TRPM2: variants seen among roughly 807,000 people sequenced by gnomAD.
TRPM2 encodes transient receptor potential cation channel subfamily M member 2.
TRPM2 carries 161 observed loss-of-function variants against 174.0 expected under a neutral mutation model. The ratio of observed to expected loss-of-function variants is 0.93; its 90% CI spans 0.81 to 1.05. The LOEUF (loss-of-function observed/expected upper bound fraction) is 1.05. Among genes scored for constraint, TRPM2 ranks in the 50% least tolerant of loss-of-function variants. The probability of loss-of-function intolerance (pLI) is 0.00; values close to 1 mark genes in which losing one functional copy is unlikely to be tolerated. For synonymous variants in TRPM2, 954 were observed against 861.3 expected (o/e 1.11, Z -1.88); for missense variants, 2,057 against 2,038.0 (o/e 1.01, Z -0.18).
chr21:44,410,183 G>C (rs1325540570), intron 19 of TRPM2, among the ~76,000 whole-genome samples: 295 of 63,684 alleles, frequency 4.6e-3, no homozygotes, highest in African/African-American at 0.011. Context: ...TGATCGCGCT[G>C]TCTTGGTTGG....
chr21:44,419,814 AGTGGTGGTG>A (rs1177948490), intron 22 of TRPM2, among the ~76,000 whole-genome samples: 2 of 112,556 alleles, frequency 1.8e-5, no homozygotes, highest in African/African-American at 3.4e-5. Context: ...TGATGTTGGC[AGTGGTGGTG>A]GTGGTGATGG....
chr21:44,431,760 G>A (rs1476845096), intron 27 of TRPM2, among the ~76,000 whole-genome samples: 1 of 152,226 alleles, frequency 6.6e-6, no homozygotes, highest in Non-Finnish European at 1.5e-5. Context: ...ACGGGCGTGA[G>A]CCACTATGCC....
At position 44,418,060 on chromosome 21, in the gene TRPM2, A is replaced by T. The variant is rs2050376106; in HGVS notation, c.3280A>T (p.Ile1094Phe). The change falls in exon 21 of 32, where the codon ATC becomes TTC. Residue 1094 changes from isoleucine to phenylalanine, a missense_variant. Coordinates refer to ENST00000397928, the MANE Select transcript of TRPM2 (RefSeq NM_003307.4). Reference sequence around the variant, plus strand: ...CCTCCTCAGCCACCTGCAGCTCTTCATCAAGAGGGTGGTCCTGAAGACTCC... The same window carrying T: ...CCTCCTCAGCCACCTGCAGCTCTTCTTCAAGAGGGTGGTCCTGAAGACTCC... ...FILLSHLQLF[I>F]KRVVLKTPAK... is the part of the protein sequence containing the mutation. The T allele has an allele frequency of 6.2e-7, 1 of 1,613,172 alleles. No individual in the cohort carries two copies. Among genetic ancestry groups the T allele is most frequent in the Non-Finnish European group, 8.5e-7 (1 of 1,179,992 alleles).
intron 27 of TRPM2, among the ~76,000 whole-genome samples, chr21:44,431,558 C>T (rs1319538524): frequency 2.0e-5 from 3 of 152,200 alleles, no homozygotes; most frequent in Admixed American, 6.5e-5. Context: ...CAACCTCCGC[C>T]TACTGGGTCC....
At chr21:44,356,531 A>ATT (rs143434691) in intron 2 of TRPM2, among the ~76,000 whole-genome samples, 14 of 137,644 alleles carry the variant, frequency 1.0e-4, no homozygotes, top group East Asian at 2.1e-4. Context: ...CTGCTTGGCT[A>ATT]TTTTTTTTTT....
intron 19 of TRPM2, among the ~76,000 whole-genome samples, chr21:44,412,874 A>T (rs2050148778): frequency 6.6e-6 from 1 of 152,072 alleles, no homozygotes; most frequent in South Asian, 2.1e-4. Context: ...GTGCGTTTCT[A>T]TCTTAGAAAA....
chr21:44,402,976 G>C (rs45467091), intron 16 of TRPM2, among the ~76,000 whole-genome samples: 5,474 of 152,246 alleles, frequency 0.036, 277 homozygotes, highest in African/African-American at 0.11. Flanking sequence ...GCCTACTGGG[G>C]CCCTGGGGGA....
chr21:44,402,765 G>A (rs754066785), intron 16 of TRPM2, among the ~76,000 whole-genome samples: 1 of 152,150 alleles, frequency 6.6e-6, no homozygotes, highest in Non-Finnish European at 1.5e-5. Flanking sequence ...TCTCCACTGT[G>A]CCCCCACGGT....
At chr21:44,358,965 G>A (rs1249826338) in intron 2 of TRPM2, among the ~76,000 whole-genome samples, 1 of 152,234 alleles carries the variant, frequency 6.6e-6, no homozygotes, top group African/African-American at 2.4e-5. Context: ...GACCCGAGCA[G>A]TTTGCCGCTG....
chr21:44,430,088 G>A (rs182158110), intron 27 of TRPM2, among the ~76,000 whole-genome samples: 56 of 152,178 alleles, frequency 3.7e-4, no homozygotes, highest in Middle Eastern at 3.4e-3. Flanking sequence ...CTTTAGTGTT[G>A]AGCCATCCTT....
intron 27 of TRPM2, among the ~76,000 whole-genome samples, chr21:44,434,305 G>A (rs527815063): frequency 1.1e-4 from 17 of 151,408 alleles, no homozygotes; most frequent in Non-Finnish European, 2.1e-4. Flanking sequence ...GGATGGTGAC[G>A]GAGACTGTGG....
At position 44,414,167 on chromosome 21, in the gene TRPM2, G is replaced by C. The variant is rs1325892617; in HGVS notation, c.3146+93G>C. On this transcript the variant is annotated intron_variant, in intron 20 of 31. Coordinates refer to ENST00000397928, the MANE Select transcript of TRPM2 (RefSeq NM_003307.4). ...TGCTGTCTCCAGGGTCTCGTGGACA[G>C]TGTGGATGATGGGCTGGTGCACAGA... 3 of 1,476,750 alleles carry C rather than the reference G, an allele frequency of 2.0e-6. No individual in the cohort carries two copies. In the African/African-American group the frequency reaches 4.1e-5, roughly 20 times the overall value. The allele number at this position is 1,476,750 out of a possible 1,614,324, so 91.5% of individuals were successfully genotyped here.
rs1174054644 is a variant in TRPM2, at chr21:44,417,982, C to G, written c.3202C>G (p.His1068Asp). ...HTDQIWKFQRHDLIEEYHGRP... is the reference protein window; with the variant it reads ...HTDQIWKFQRDDLIEEYHGRP... ...GGACCAGATTTGGAAGTTCCAGCGC[C>G]ATGACCTGATCGAGGAGTACCACGG... is the stretch of plus-strand genomic sequence containing the variant. Residue 1068 changes from histidine to aspartate, a missense_variant, in exon 21 of 32, where the codon CAT becomes GAT. Physicochemically the swap from His to Asp is moderately conservative, Grantham distance 81. Coordinates refer to ENST00000397928, the MANE Select transcript of TRPM2 (RefSeq NM_003307.4). 5 of 1,613,104 alleles carry G rather than the reference C, an allele frequency of 3.1e-6. No individual in the cohort carries two copies. The highest frequency in any genetic ancestry group is 1.7e-6 in the Non-Finnish European group (2 of 1,180,014).
Position 44,379,030 on chromosome 21 carries a change from T to G in TRPM2, c.1048T>G (p.Cys350Gly). 6.2e-7 allele frequency: 1 copy of G among 1,609,358 alleles called. No homozygotes were observed. Among genetic ancestry groups the G allele is most frequent in the Non-Finnish European group, 8.5e-7 (1 of 1,179,968 alleles). The change falls in exon 8 of 32, where the codon TGT becomes GGT. Residue 350 changes from cysteine to glycine, a missense_variant. Transcript: ENST00000397928. ...CAACGCCACCACCAACGGCACCCCC[T>G]GTGTGGTTGTGGAGGGCTCGGGCCG... ...IDNATTNGTP[C>G]VVVEGSGRVA...
intron 21 of TRPM2, 133 bp from the exon 22 acceptor site, chr21:44,418,290 G>A (rs1601210309): frequency 7.1e-7 from 1 of 1,402,292 alleles, no homozygotes; most frequent in Admixed American, 2.4e-5. Flanking sequence ...CCCCCTTGGG[G>A]GCAGGTGTGC....
At chr21:44,419,380 T>C (rs1203117187) in intron 22 of TRPM2, among the ~76,000 whole-genome samples, 3 of 152,112 alleles carry the variant, frequency 2.0e-5, no homozygotes, top group African/African-American at 7.2e-5. Flanking sequence ...GGAGACACGA[T>C]AGTCCCTGTC....
At chr21:44,359,321 C>G (rs1468455084) in intron 2 of TRPM2, among the ~76,000 whole-genome samples, 1 of 152,184 alleles carries the variant, frequency 6.6e-6, no homozygotes, top group Non-Finnish European at 1.5e-5. Context: ...AGAAGTCTAG[C>G]TGGCTTCACC....
chr21:44,390,120 C>T (rs1308092678), intron 9 of TRPM2, among the ~76,000 whole-genome samples: 1 of 152,130 alleles, frequency 6.6e-6, no homozygotes, highest in Non-Finnish European at 1.5e-5. Flanking sequence ...GATCCACCCG[C>T]CTTGGCCTCC....
intron 27 of TRPM2, among the ~76,000 whole-genome samples, chr21:44,433,716 C>T (rs1377510138): frequency 1.3e-5 from 2 of 152,310 alleles, no homozygotes; most frequent in East Asian, 1.9e-4. Flanking sequence ...TGGGCCCCAC[C>T]GTGCAAGGCC....
Sources: gnomAD v4.1 joint callset for allele counts (sites outside exome capture counted in the v4.1 genomes callset) on GRCh38, gnomAD v4.1.1 for gene constraint, MANE v1.5 for transcripts, NCBI Gene and HGNC (gene_info 2026-07-23, HGNC 2026-07-21) for gene names.